Variants in SGCD observed in about 807,000 individuals in gnomAD.
SGCD encodes delta-sarcoglycan.
A neutral mutation model predicts 36.6 loss-of-function variants in SGCD; 18 were observed. The ratio of observed to expected loss-of-function variants is 0.49; its 90% CI spans 0.34 to 0.73. The LOEUF (loss-of-function observed/expected upper bound fraction) is 0.73, where lower values mean the gene tolerates loss of function less well. Among genes scored for constraint, SGCD ranks in the 30% least tolerant of loss-of-function variants. The pLI is 0.01. For missense variants in SGCD, 387 were observed against 346.7 expected (o/e 1.12, Z -0.92); for synonymous variants, 133 against 130.6 (o/e 1.02, Z -0.12).
intron 3 of SGCD, among the ~76,000 whole-genome samples, chr5:156,212,303 G>GTTCTTTGC (rs1764464486): frequency 6.6e-6 from 1 of 152,194 alleles, no homozygotes; most frequent in East Asian, 1.9e-4. Context: ...GAGTGAGAGT[G>GTTCTTTGC]AAGGCATGTT....
At chr5:156,734,524 C>T (rs770906435) in intron 7 of SGCD, among the ~76,000 whole-genome samples, 4 of 152,094 alleles carry the variant, frequency 2.6e-5, no homozygotes, top group Non-Finnish European at 4.4e-5. Context: ...AACAATCAGT[C>T]GTAGATTTGG....
chr5:156,104,527 AG>A (rs1295872995), intron 1 of SGCD, among the ~76,000 whole-genome samples: 1 of 152,148 alleles, frequency 6.6e-6, no homozygotes, highest in Non-Finnish European at 1.5e-5. Flanking sequence ...TTCTGGATTT[AG>A]GTCATTGGGG....
intron 1 of SGCD, among the ~76,000 whole-genome samples, chr5:155,887,307 T>C (rs1294604234): frequency 6.6e-6 from 1 of 152,226 alleles, no homozygotes; most frequent in African/African-American, 2.4e-5. Context: ...TGTCTTGGGT[T>C]TTCTGTTCCT....
At chr5:156,100,312 T>C (rs986839327) in intron 1 of SGCD, among the ~76,000 whole-genome samples, 1 of 151,716 alleles carries the variant, frequency 6.6e-6, no homozygotes, top group Admixed American at 6.6e-5. Context: ...AAAAAAACCA[T>C]CTAAAGGCAT....
At chr5:156,069,453 T>C (rs1182395994) in intron 1 of SGCD, among the ~76,000 whole-genome samples, 1 of 152,124 alleles carries the variant, frequency 6.6e-6, no homozygotes, top group East Asian at 1.9e-4. Flanking sequence ...GCGTTATTTC[T>C]AAGGGGTCTC....
At chr5:156,014,927 G>A (rs1402887884) in intron 1 of SGCD, among the ~76,000 whole-genome samples, 1 of 152,140 alleles carries the variant, frequency 6.6e-6, no homozygotes, top group South Asian at 2.1e-4. Context: ...TACCATGTAA[G>A]CGATGCTATG....
At chr5:155,939,648 A>ATC (rs1757284379) in intron 1 of SGCD, among the ~76,000 whole-genome samples, 1 of 149,822 alleles carries the variant, frequency 6.7e-6, no homozygotes, top group African/African-American at 2.4e-5. Flanking sequence ...CTCTCTCAAA[A>ATC]AAAAAAAAAA....
chr5:156,537,526 C>G (rs1758171468), intron 4 of SGCD, among the ~76,000 whole-genome samples: 1 of 148,050 alleles, frequency 6.8e-6, no homozygotes, highest in Non-Finnish European at 1.5e-5. Context: ...TATATTTTCA[C>G]AGGTCCCCTT....
intron 4 of SGCD, among the ~76,000 whole-genome samples, chr5:156,539,490 A>G (rs1479837538): frequency 6.6e-6 from 1 of 151,832 alleles, no homozygotes; most frequent in African/African-American, 2.4e-5. Context: ...GCTCCCACTT[A>G]TAAGTGAGGA....
At chr5:156,232,884 C>T (rs1379565322) in intron 3 of SGCD, among the ~76,000 whole-genome samples, 2 of 152,122 alleles carry the variant, frequency 1.3e-5, no homozygotes, top group Non-Finnish European at 2.9e-5. Context: ...ACCATTTATC[C>T]CATCAGAAAA....
chr5:155,754,718 C>A, the SGCD span, among the ~76,000 whole-genome samples: 19 of 152,112 alleles, frequency 1.2e-4, 1 homozygote, highest in Admixed American at 1.1e-3. Flanking sequence ...TTTCAACAGA[C>A]AAAAGGGAGG....
At chr5:155,985,151 A>G (rs1334001534) in intron 1 of SGCD, among the ~76,000 whole-genome samples, 1 of 152,188 alleles carries the variant, frequency 6.6e-6, no homozygotes, top group Non-Finnish European at 1.5e-5. Context: ...ACATCCATTT[A>G]TCATCTTTCT....
At chr5:156,265,038 A>G (rs940243715) in intron 3 of SGCD, among the ~76,000 whole-genome samples, 15 of 151,806 alleles carry the variant, frequency 9.9e-5, no homozygotes, top group African/African-American at 3.4e-4. Flanking sequence ...AATAGTGATG[A>G]TAACATAGCA....
intron 4 of SGCD, among the ~76,000 whole-genome samples, chr5:156,543,352 T>C (rs1027584271): frequency 5.9e-5 from 9 of 152,232 alleles, no homozygotes; most frequent in Non-Finnish European, 8.8e-5. Flanking sequence ...TTTGTTCATC[T>C]AACAGGTGCT....
At chr5:156,631,550 A>AT (rs989089445) in intron 6 of SGCD, among the ~76,000 whole-genome samples, 9 of 145,710 alleles carry the variant, frequency 6.2e-5, no homozygotes, top group South Asian at 2.2e-4. Flanking sequence ...CATAGACGCT[A>AT]TTTTTTTTTC....
intron 6 of SGCD, among the ~76,000 whole-genome samples, chr5:156,640,066 C>A (rs1762972714): frequency 6.6e-6 from 1 of 152,094 alleles, no homozygotes; most frequent in Admixed American, 6.6e-5. Flanking sequence ...GCTAGGCTAG[C>A]CCCTCTGCTC....
chr5:156,194,897 T>A (rs1464789007), intron 3 of SGCD, among the ~76,000 whole-genome samples: 1 of 152,130 alleles, frequency 6.6e-6, no homozygotes, highest in Non-Finnish European at 1.5e-5. Context: ...AAGCCAGGTA[T>A]GTATATAATA....
At chr5:156,022,256 A>C (rs1759121219) in intron 1 of SGCD, among the ~76,000 whole-genome samples, 1 of 152,162 alleles carries the variant, frequency 6.6e-6, no homozygotes, top group African/African-American at 2.4e-5. Context: ...TTTTGGTAAT[A>C]TTTTATGTTT....
chr5:156,456,741 C>T (rs1459785858), intron 3 of SGCD, among the ~76,000 whole-genome samples: 2 of 152,270 alleles, frequency 1.3e-5, no homozygotes, highest in South Asian at 4.1e-4. Context: ...GACTTCTAGT[C>T]TCCACAACCA....
Sources: gnomAD v4.1 joint callset for allele counts (sites outside exome capture counted in the v4.1 genomes callset) on GRCh38, gnomAD v4.1.1 for gene constraint, MANE v1.5 for transcripts, NCBI Gene and HGNC (gene_info 2026-07-23, HGNC 2026-07-21) for gene names.